Variants in MTMR7 observed in about 807,000 individuals in gnomAD.
The protein encoded by MTMR7 is myotubularin related protein 7, also known as phosphatidylinositol-3-phosphate phosphatase MTMR7.
A neutral mutation model predicts 81.2 loss-of-function variants in MTMR7; 76 were observed. The observed-to-expected ratio is 0.94, with a 90% confidence interval of 0.78 to 1.13. The LOEUF is 1.13. Among genes scored for constraint, MTMR7 ranks in the 50% most tolerant of loss-of-function variants. MTMR7 has a pLI of 0.00. For missense variants in MTMR7, 1,044 were observed against 820.0 expected (o/e 1.27, Z -3.34); for synonymous variants, 372 against 289.8 (o/e 1.28, Z -2.88).
rs574919354 is a variant in MTMR7, at chr8:17,325,879, A to G, written c.865+5271T>C. On this transcript the variant is annotated intron_variant, in intron 7 of 13. Transcript: ENST00000180173. The stretch of plus-strand genomic sequence containing the variant: ...TGCCTGGCTGACTGAATTCACCTAC[A>G]GCCCATCAACGTATCCATTTCATTG... Among the ~76,000 whole-genome samples, 55 of 152,310 alleles carry G rather than the reference A, an allele frequency of 3.6e-4. 1 individual carries two copies. Among genetic ancestry groups the G allele is most frequent in the Admixed American group, 3.6e-3 (55 of 15,292 alleles).
At chr8:17,406,753 T>A (rs533977849) in intron 1 of MTMR7, among the ~76,000 whole-genome samples, 2 of 152,212 alleles carry the variant, frequency 1.3e-5, no homozygotes, top group East Asian at 3.9e-4. Context: ...GATAAATGTA[T>A]AAACAAAATG....
At chr8:17,331,125 T>C (rs1295353283) in intron 7 of MTMR7, 25 bp downstream of exon 7, 2 of 1,598,338 alleles carry the variant, frequency 1.3e-6, no homozygotes, top group East Asian at 2.3e-5. Flanking sequence ...TGCATTTTAA[T>C]GCTGTGCATA....
At chr8:17,332,866 G>A (rs1370080799) in intron 6 of MTMR7, among the ~76,000 whole-genome samples, 1 of 152,130 alleles carries the variant, frequency 6.6e-6, no homozygotes, top group Non-Finnish European at 1.5e-5. Context: ...GAATAAAAAT[G>A]TATAGAAAAC....
intron 1 of MTMR7, among the ~76,000 whole-genome samples, chr8:17,395,592 T>C (rs540144073): frequency 6.6e-6 from 1 of 152,286 alleles, no homozygotes; most frequent in South Asian, 2.1e-4. Context: ...GTTGTTTTCT[T>C]TCTTTCTTTT....
chr8:17,402,327 A>G (rs1239492771), intron 1 of MTMR7, among the ~76,000 whole-genome samples: 1 of 152,140 alleles, frequency 6.6e-6, no homozygotes, highest in African/African-American at 2.4e-5. Flanking sequence ...GTGCTATCAA[A>G]TACTAGGTCT....
At chr8:17,401,539 G>A (rs1408264536) in intron 1 of MTMR7, among the ~76,000 whole-genome samples, 1 of 152,070 alleles carries the variant, frequency 6.6e-6, no homozygotes, top group African/African-American at 2.4e-5. Flanking sequence ...AGTATCTCTG[G>A]CAAAAATAAA....
At chr8:17,314,935 A>G (rs1320348640) in intron 7 of MTMR7, among the ~76,000 whole-genome samples, 1 of 152,192 alleles carries the variant, frequency 6.6e-6, no homozygotes, top group African/African-American at 2.4e-5. Flanking sequence ...TGTCTGATAA[A>G]GTACATGCAG....
chr8:17,405,230 A>C (rs1821542774), intron 1 of MTMR7, among the ~76,000 whole-genome samples: 1 of 152,216 alleles, frequency 6.6e-6, no homozygotes, highest in Admixed American at 6.5e-5. Flanking sequence ...AAGAACTAGG[A>C]AGTGTTTGAA....
At chr8:17,391,157 C>G (rs1404465073) in intron 1 of MTMR7, among the ~76,000 whole-genome samples, 1 of 152,040 alleles carries the variant, frequency 6.6e-6, no homozygotes, top group Non-Finnish European at 1.5e-5. Context: ...GGATCAGCAT[C>G]TGTGAGGGGA....
chr8:17,347,306 C>G (rs1819585064), intron 5 of MTMR7, among the ~76,000 whole-genome samples: 2 of 151,980 alleles, frequency 1.3e-5, no homozygotes, highest in Admixed American at 1.3e-4. Flanking sequence ...TAATTCAAGG[C>G]TAGGAAAAGA....
intron 3 of MTMR7, among the ~76,000 whole-genome samples, chr8:17,369,970 A>C (rs1304153942): frequency 1.3e-5 from 2 of 152,052 alleles, no homozygotes; most frequent in Non-Finnish European, 2.9e-5. Flanking sequence ...AAGGAAAACA[A>C]CACCACAACT....
At chr8:17,374,552 C>T (rs1336039224) in intron 1 of MTMR7, among the ~76,000 whole-genome samples, 5 of 152,022 alleles carry the variant, frequency 3.3e-5, no homozygotes, top group East Asian at 1.9e-4. Context: ...ACCCAGGAGG[C>T]GGAGGTTGCA....
intron 7 of MTMR7, among the ~76,000 whole-genome samples, chr8:17,324,528 G>C (rs867043164): frequency 6.6e-6 from 1 of 152,228 alleles, no homozygotes; most frequent in African/African-American, 2.4e-5. Context: ...GGACGGTCCA[G>C]ATGGGCAGAT....
At chr8:17,352,188 T>C (rs981328371) in intron 4 of MTMR7, among the ~76,000 whole-genome samples, 21 of 152,304 alleles carry the variant, frequency 1.4e-4, no homozygotes, top group African/African-American at 3.8e-4. Flanking sequence ...TTTCAAAATA[T>C]AGTACAAAGC....
intron 12 of MTMR7, 44 bp downstream of exon 12, chr8:17,304,335 C>G (rs1320068647): frequency 6.3e-7 from 1 of 1,592,222 alleles, no homozygotes; most frequent in East Asian, 2.3e-5. Context: ...GTACCAGAAT[C>G]CAAGTTCATA....
intron 4 of MTMR7, among the ~76,000 whole-genome samples, chr8:17,357,810 T>C (rs1281413606): frequency 1.3e-5 from 2 of 152,246 alleles, no homozygotes; most frequent in African/African-American, 4.8e-5. Context: ...TGATGTTCAT[T>C]CTTATACAGC....
intron 10 of MTMR7, among the ~76,000 whole-genome samples, chr8:17,308,189 T>C (rs1259193540): frequency 2.6e-5 from 4 of 152,028 alleles, no homozygotes; most frequent in Non-Finnish European, 5.9e-5. Flanking sequence ...AAAAAAAGGT[T>C]GCCTAATATT....
At chr8:17,351,276 T>C (rs1819721545) in intron 4 of MTMR7, among the ~76,000 whole-genome samples, 1 of 152,244 alleles carries the variant, frequency 6.6e-6, no homozygotes, top group Admixed American at 6.5e-5. Flanking sequence ...AACATGCTTA[T>C]TTCAGACAGC....
intron 3 of MTMR7, among the ~76,000 whole-genome samples, chr8:17,370,104 C>T (rs1820368118): frequency 6.6e-6 from 1 of 151,202 alleles, no homozygotes; most frequent in African/African-American, 2.4e-5. Flanking sequence ...TTTTCAAATC[C>T]AAATGTTCTT....
Sources: allele counts gnomAD v4.1 joint callset (sites outside exome capture counted in the v4.1 genomes callset), GRCh38; gene constraint gnomAD v4.1.1; transcripts MANE v1.5; gene names NCBI Gene and HGNC (gene_info 2026-07-23, HGNC 2026-07-21).